CLEC7A: variants seen among roughly 807,000 people sequenced by gnomAD.
CLEC7A encodes C-type lectin domain family 7 member A.
CLEC7A carries 25 observed loss-of-function variants against 26.9 expected under a neutral mutation model. That is an observed-to-expected ratio of 0.93 (90% CI 0.68 to 1.30). The LOEUF (loss-of-function observed/expected upper bound fraction) is 1.30. Ranked by LOEUF, CLEC7A falls within the 50% of genes most tolerant of loss-of-function variation. The pLI is 0.00. For missense variants in CLEC7A, 275 were observed against 286.7 expected, an observed-to-expected ratio of 0.96 and a Z score of 0.29; for synonymous variants, 100 against 99.5, an observed-to-expected ratio of 1.01 and a Z score of -0.03.
rs545767451 is a variant in CLEC7A at position 10,126,921 on chromosome 12, A to G, written c.203-213T>C. 3.3e-4 allele frequency: 283 copies of G among 854,050 alleles called. No individual in the cohort carries two copies. The African/African-American group carries it at 4.6e-3, about 14-fold the overall frequency. 52.9% of individuals were successfully genotyped at this position (854,050 alleles called of 1,614,324 possible). ...TTTATAAAGGAGGTATAGTAAAAAA[A>G]AAAAAAGAAAAGAAAAAAGAAGGTG... is the stretch of plus-strand genomic sequence containing the variant. On this transcript the variant is annotated intron_variant, in intron 2 of 5. Coordinates refer to ENST00000304084, the MANE Select transcript of CLEC7A (RefSeq NM_197947.3).
At position 10,123,356 on chromosome 12, in the gene CLEC7A, A is replaced by T; in HGVS notation, c.500T>A (p.Ile167Lys). The change falls in exon 5 of 6, where the codon ATA becomes AAA. Residue 167 changes from isoleucine (I) to lysine (K), a missense_variant. Physicochemically the swap from Ile to Lys is moderately radical, Grantham distance 102. Transcript: ENST00000304084. ...AGGTTGGGAAGACACTTGTTTTACTATAAATCCCTGTAATGAAACATATAC... is the reference window on the plus strand; with the variant it reads ...AGGTTGGGAAGACACTTGTTTTACTTTAAATCCCTGTAATGAAACATATAC... Reference protein sequence around the residue: ...KIDSSNELGFIVKQVSSQPDN... With the variant: ...KIDSSNELGFKVKQVSSQPDN... 1 of 1,561,550 alleles carries T rather than the reference A, an allele frequency of 6.4e-7. No homozygotes were observed. Among genetic ancestry groups the T allele is most frequent in the Non-Finnish European group, 8.8e-7 (1 of 1,132,030 alleles).
chr12:10,128,247 C>CACA (rs3221301), intron 1 of CLEC7A, among the ~76,000 whole-genome samples: 2 of 136,900 alleles, frequency 1.5e-5, no homozygotes, highest in East Asian at 2.1e-4. Context: ...CACACACACA[C>CACA]CACCAACAAC....
At chr12:10,123,415 A>G (rs1477746110) in intron 4 of CLEC7A, 52 bp from the exon 5 acceptor site, 2 of 1,091,502 alleles carry the variant, frequency 1.8e-6, no homozygotes, top group Non-Finnish European at 2.8e-6. Context: ...AGAGAGAGAA[A>G]GAAACTATTA....
At chr12:10,124,108 T>G (rs1321683740) in intron 4 of CLEC7A, among the ~76,000 whole-genome samples, 1 of 152,252 alleles carries the variant, frequency 6.6e-6, no homozygotes, top group Non-Finnish European at 1.5e-5. Flanking sequence ...GTATATTTTA[T>G]GAATATGTAA....
rs779616817 is a variant in CLEC7A at position 10,118,509 on chromosome 12, T to C, written c.693A>G (p.Gln231=). 70 of 1,612,526 alleles carry C rather than the reference T, an allele frequency of 4.3e-5. 1 individual carries two copies. Among genetic ancestry groups the C allele is most frequent in the Admixed American group, 1.3e-4 (8 of 60,000 alleles). The change falls in exon 6 of 6, where the codon CAA becomes CAG. Residue 231 remains glutamine, a synonymous_variant. Transcript: ENST00000304084. Reference sequence around the variant, plus strand: ...TACTATATGAGGGCACACTACACAGTTGGTCATAAATGACTGACACGTGAA... The same window carrying C: ...TACTATATGAGGGCACACTACACAGCTGGTCATAAATGACTGACACGTGAA... ...VWIHVSVIYD[Q]LCSVPSYSIC... is the part of the protein sequence containing the mutation.
chr12:10,118,681 G>A, intron 5 of CLEC7A, 91 bp from the exon 6 acceptor site: 1 of 1,120,206 alleles, frequency 8.9e-7, no homozygotes. Flanking sequence ...GGATATTGGT[G>A]AAAAGAGTTC....
At chr12:10,127,513 A>G in intron 2 of CLEC7A, 1 of 1,433,472 alleles carries the variant, frequency 7.0e-7, no homozygotes, top group Non-Finnish European at 9.8e-7. Context: ...CCAAATTTCT[A>G]ATCATGGTCC....
chr12:10,129,963 A>G lies in CLEC7A; in HGVS notation c.103+17T>C, dbSNP rs1174576732. On this transcript the variant is annotated intron_variant, in intron 1 of 5. Transcript: ENST00000304084. ...CGGGAGAGCTAAAGGCACACATTAG[A>G]AAAAACATATATATACCTTTCTCTG... The G allele has an allele frequency of 2.0e-6, 3 of 1,479,096 alleles. No individual in the cohort carries two copies. The highest frequency in any genetic ancestry group is 2.3e-5 in the East Asian group (1 of 44,236). The allele number at this position is 1,479,096 out of a possible 1,614,324, so 91.6% of individuals were successfully genotyped here.
At chr12:10,128,413 T>C (rs1027569080) in intron 1 of CLEC7A, among the ~76,000 whole-genome samples, 6 of 152,192 alleles carry the variant, frequency 3.9e-5, no homozygotes, top group East Asian at 1.9e-4. Context: ...GATAACTGTA[T>C]GCTCCTAATT....
At chr12:10,124,033 C>T (rs143844918) in intron 4 of CLEC7A, among the ~76,000 whole-genome samples, 16 of 110,438 alleles carry the variant, frequency 1.4e-4, no homozygotes, top group African/African-American at 3.0e-4. Flanking sequence ...AATAAATTGA[C>T]GCTACTTTCG....
At chr12:10,129,308 C>T (rs1183194288) in intron 1 of CLEC7A, among the ~76,000 whole-genome samples, 1 of 152,114 alleles carries the variant, frequency 6.6e-6, no homozygotes, top group Non-Finnish European at 1.5e-5. Context: ...GATAATCTAG[C>T]CTTTCTATCA....
intron 5 of CLEC7A, among the ~76,000 whole-genome samples, chr12:10,123,040 G>A (rs557364921): frequency 6.6e-6 from 1 of 152,074 alleles, no homozygotes; most frequent in Admixed American, 6.5e-5. Context: ...GCTACTAGAT[G>A]GCCTCACTCT....
chr12:10,128,493 G>A (rs181194561), intron 1 of CLEC7A, among the ~76,000 whole-genome samples: 48 of 152,254 alleles, frequency 3.2e-4, no homozygotes, highest in Admixed American at 5.9e-4. Flanking sequence ...ATTCTTAGAG[G>A]AAATAGCTTA....
intron 5 of CLEC7A, among the ~76,000 whole-genome samples, chr12:10,120,305 T>TA (rs1286142536): frequency 3.9e-5 from 6 of 152,134 alleles, no homozygotes; most frequent in Non-Finnish European, 8.8e-5. Context: ...CAGTGCTGAG[T>TA]AAACACATTA....
At chr12:10,123,178 G>A (rs763093811) in intron 5 of CLEC7A, 67 bp downstream of exon 5, 85 of 1,016,992 alleles carry the variant, frequency 8.4e-5, no homozygotes, top group Non-Finnish European at 1.3e-4. Flanking sequence ...CTCGACAGAG[G>A]TTTTCATAGA....
rs75530907 is a variant in CLEC7A, at chr12:10,126,473, T to C, written c.340+98A>G. 3.8e-4 allele frequency: 554 copies of C among 1,466,686 alleles called. 8 individuals carry two copies. In the East Asian group the frequency reaches 0.01, roughly 27 times the overall value. 90.9% of individuals were successfully genotyped at this position (1,466,686 alleles called of 1,614,324 possible). A position where few individuals can be genotyped will look rare whatever the true frequency, so the allele number is the denominator to read the frequency against. ...TGTATTTGCCTTAAATTTACAATCATTGAATCTAAGTGTTTTTCTTTACAC... is the reference window on the plus strand; with the variant it reads ...TGTATTTGCCTTAAATTTACAATCACTGAATCTAAGTGTTTTTCTTTACAC... On this transcript the variant is annotated intron_variant, in intron 3 of 5. Coordinates refer to ENST00000304084, the MANE Select transcript of CLEC7A (RefSeq NM_197947.3).
chr12:10,127,359 A>G, intron 2 of CLEC7A: 4 of 1,582,312 alleles, frequency 2.5e-6, no homozygotes, highest in Non-Finnish European at 3.5e-6. Flanking sequence ...CATTAGGAAG[A>G]CAGCACCATA....
In CLEC7A at chr12:10,127,805, T is replaced by C. The variant is rs762334444; in HGVS notation, c.144A>G (p.Val48=). ...TTACCAAGCATAGGATTCCCAAAAT[T>C]ACAGCAATGAGGCGCCAAGGAGGAG... ...AASPPWRLIA[V]ILGILCLVIL... Residue 48 remains valine, a synonymous_variant, in exon 2 of 6, where the codon GTA becomes GTG. Transcript: ENST00000304084. 2.5e-5 allele frequency: 40 copies of C among 1,580,398 alleles called. No homozygotes were observed. The highest frequency in any genetic ancestry group is 3.1e-5 in the Non-Finnish European group (36 of 1,162,208).
At chr12:10,119,327 C>T (rs1948006302) in intron 5 of CLEC7A, among the ~76,000 whole-genome samples, 1 of 152,164 alleles carries the variant, frequency 6.6e-6, no homozygotes, top group Non-Finnish European at 1.5e-5. Context: ...TTTGCTTTAG[C>T]GATGACTAAG....
Sources: gnomAD v4.1 joint callset for allele counts (sites outside exome capture counted in the v4.1 genomes callset) on GRCh38, gnomAD v4.1.1 for gene constraint, MANE v1.5 for transcripts, NCBI Gene and HGNC (gene_info 2026-07-23, HGNC 2026-07-21) for gene names.